The following NEO1 variants were observed in gnomAD, a reference collection of about 807,000 sequenced individuals.
NEO1 encodes the protein neogenin.
NEO1 carries 63 observed loss-of-function variants against 159.7 expected under a neutral mutation model. The observed-to-expected ratio is 0.39, with a 90% CI of 0.32 to 0.49. NEO1 has a LOEUF of 0.49. NEO1 is among the 20% of genes least tolerant of loss of function. The probability of loss-of-function intolerance (pLI) is 0.85; values close to 1 mark genes in which losing one functional copy is unlikely to be tolerated. For synonymous variants in NEO1, 633 were observed against 662.0 expected (o/e 0.96, Z 0.67); for missense variants, 1,615 against 1,831.0 (o/e 0.88, Z 2.15).
intron 1 of NEO1, among the ~76,000 whole-genome samples, chr15:73,071,090 G>A (rs1224972820): frequency 6.6e-6 from 1 of 151,930 alleles, no homozygotes; most frequent in Non-Finnish European, 1.5e-5. Flanking sequence ...TTGGACTACA[G>A]GTGGGTGCTA....
rs938166953 is a variant in NEO1 at position 73,249,496 on chromosome 15, A to T, written c.1756-87A>T. ...AGGGATAAAATCTGTTTCATGTAGAATATAGAATTTGTGTAGCTAATTCTT... is the reference window on the plus strand; with the variant it reads ...AGGGATAAAATCTGTTTCATGTAGATTATAGAATTTGTGTAGCTAATTCTT... On this transcript the variant is annotated intron_variant, in intron 10 of 28. Coordinates refer to ENST00000261908, the MANE Select transcript of NEO1 (RefSeq NM_002499.4). 26 of 1,341,574 alleles carry T rather than the reference A, an allele frequency of 1.9e-5. No individual in the cohort carries two copies. The African/African-American group carries it at 3.5e-4, about 18-fold the overall frequency. The allele number at this position is 1,341,574 out of a possible 1,614,324, so 83.1% of individuals were successfully genotyped here.
intron 7 of NEO1, among the ~76,000 whole-genome samples, chr15:73,225,505 T>C (rs1353306467): frequency 2.6e-5 from 4 of 151,632 alleles, no homozygotes; most frequent in African/African-American, 9.7e-5. Flanking sequence ...TGGGGGTGAG[T>C]TAATGGAGTT....
chr15:73,272,419 T>A, intron 18 of NEO1, 36 bp from the exon 19 acceptor site: 2 of 1,505,098 alleles, frequency 1.3e-6, no homozygotes, highest in Non-Finnish European at 1.8e-6. Context: ...TAATTTGAAA[T>A]GGACAGAAAT....
chr15:73,125,451 G>C (rs945552206), intron 3 of NEO1, among the ~76,000 whole-genome samples: 1 of 152,186 alleles, frequency 6.6e-6, no homozygotes, highest in East Asian at 1.9e-4. Context: ...GTCACTAATC[G>C]ATTAGGCAAT....
intron 15 of NEO1, among the ~76,000 whole-genome samples, chr15:73,261,479 C>A (rs1347450814): frequency 6.6e-6 from 1 of 151,862 alleles, no homozygotes; most frequent in Non-Finnish European, 1.5e-5. Flanking sequence ...AGCAAGGCCA[C>A]AAGATACAAA....
chr15:73,081,966 C>A (rs564981779), intron 1 of NEO1, among the ~76,000 whole-genome samples: 2 of 151,528 alleles, frequency 1.3e-5, no homozygotes, highest in Non-Finnish European at 2.9e-5. Flanking sequence ...CTCCCTGCTC[C>A]GGGCCCAAGT....
intron 22 of NEO1, among the ~76,000 whole-genome samples, chr15:73,280,025 G>A (rs960314534): frequency 6.6e-6 from 1 of 152,206 alleles, no homozygotes; most frequent in Non-Finnish European, 1.5e-5. Context: ...GACACCACTG[G>A]TACACTATGA....
intron 1 of NEO1, among the ~76,000 whole-genome samples, chr15:73,090,565 G>T (rs1217353404): frequency 6.6e-6 from 1 of 152,172 alleles, no homozygotes; most frequent in Non-Finnish European, 1.5e-5. Flanking sequence ...GGGAACTGTT[G>T]ATTGCCAGCA....
chr15:73,083,395 T>C (rs1409067998), intron 1 of NEO1, among the ~76,000 whole-genome samples: 4 of 151,968 alleles, frequency 2.6e-5, no homozygotes, highest in South Asian at 2.1e-4. Context: ...GGGCCCAAAT[T>C]TCTGGCATTC....
intron 1 of NEO1, among the ~76,000 whole-genome samples, chr15:73,106,133 G>A (rs2070680518): frequency 6.6e-6 from 1 of 152,110 alleles, no homozygotes; most frequent in South Asian, 2.1e-4. Flanking sequence ...CTGTTTAGAT[G>A]TCAGACCAGT....
At chr15:73,182,639 A>G (rs1270505978) in intron 7 of NEO1, among the ~76,000 whole-genome samples, 2 of 143,806 alleles carry the variant, frequency 1.4e-5, no homozygotes, top group Admixed American at 1.4e-4. Flanking sequence ...GTGGCAGACA[A>G]GAGAGAATGG....
chr15:73,292,285 C>G (rs1459498866), intron 25 of NEO1, among the ~76,000 whole-genome samples: 1 of 152,138 alleles, frequency 6.6e-6, no homozygotes, highest in Non-Finnish European at 1.5e-5. Context: ...TTAGGGAGAT[C>G]CTTGGGGACA....
Position 73,293,535 on chromosome 15 carries a change from G to T in NEO1, c.3888G>T (p.Arg1296Ser), listed in dbSNP as rs1478269396. 6.2e-7 allele frequency: 1 copy of T among 1,614,050 alleles called. No homozygotes were observed. The highest frequency in any genetic ancestry group is 8.5e-7 in the Non-Finnish European group (1 of 1,180,002). The change falls in exon 26 of 29, where the codon AGG (arginine) becomes AGT (serine). Residue 1296 changes from arginine to serine, a missense_variant. This residue lies in a region of NEO1 where 471 missense variants were observed against 498.9 expected (regional missense o/e 0.94). Coordinates refer to ENST00000261908, the MANE Select transcript of NEO1 (RefSeq NM_002499.4). Reference sequence around the variant, plus strand: ...GCACATCCATGTCCCTTTCAGACAGGGCCAATTCCACAGGTGAGAGATGAG... The same window carrying T: ...GCACATCCATGTCCCTTTCAGACAGTGCCAATTCCACAGGTGAGAGATGAG... Reference protein sequence around the residue: ...PIGTSMSLSDRANSTESVRNT... With the variant: ...PIGTSMSLSDSANSTESVRNT...
Position 73,258,862 on chromosome 15 carries a change from A to G in NEO1, c.2189A>G (p.Glu730Gly). The change falls in exon 14 of 29, where the codon GAA becomes GGA. Residue 730 changes from glutamate (E) to glycine (G), a missense_variant. Around this residue, in one of 3 missense-constraint regions of NEO1, gnomAD observed 1,018 missense variants for 1,115.4 expected, o/e 0.91. Coordinates refer to ENST00000261908, the MANE Select transcript of NEO1 (RefSeq NM_002499.4). ...GACTGGCTGTCTGCTGAAACTTTTG[A>G]AAGTGACCTAGATGGTAAGAATAAC... ...ATDWLSAETF[E>G]SDLDETRVPE... 2 of 1,613,656 alleles carry G rather than the reference A, an allele frequency of 1.2e-6. No individual in the cohort carries two copies. The highest frequency in any genetic ancestry group is 8.5e-7 in the Non-Finnish European group (1 of 1,179,638).
At chr15:73,263,189 AC>A (rs2040707738) in intron 15 of NEO1, among the ~76,000 whole-genome samples, 1 of 126,832 alleles carries the variant, frequency 7.9e-6, no homozygotes, top group Non-Finnish European at 1.7e-5. Flanking sequence ...CTCATAGTTG[AC>A]TTTTTTTTTT....
At chr15:73,235,742 T>TGCA (rs2039136654) in intron 7 of NEO1, among the ~76,000 whole-genome samples, 1 of 152,062 alleles carries the variant, frequency 6.6e-6, no homozygotes, top group African/African-American at 2.4e-5. Context: ...AATACAGAGG[T>TGCA]GCAGGGTTTA....
intron 7 of NEO1, among the ~76,000 whole-genome samples, chr15:73,209,389 A>T (rs2037422600): frequency 6.6e-6 from 1 of 152,226 alleles, no homozygotes. Flanking sequence ...GCTATGATTA[A>T]TAGCCTAGTG....
intron 18 of NEO1, among the ~76,000 whole-genome samples, chr15:73,271,981 A>G (rs542310272): frequency 2.9e-4 from 43 of 149,508 alleles, no homozygotes; most frequent in African/African-American, 8.4e-4. Flanking sequence ...CTGTTTTACA[A>G]TTTACAGTAT....
chr15:73,225,189 C>T (rs1387899200), intron 7 of NEO1, among the ~76,000 whole-genome samples: 1 of 152,102 alleles, frequency 6.6e-6, no homozygotes, highest in Non-Finnish European at 1.5e-5. Context: ...GATACCAGCA[C>T]CTGTTCCAGT....
Sources: allele counts gnomAD v4.1 joint callset (sites outside exome capture counted in the v4.1 genomes callset), GRCh38; gene constraint gnomAD v4.1.1; regional missense constraint gnomAD v4.1.1; transcripts MANE v1.5; gene names NCBI Gene and HGNC (gene_info 2026-07-23, HGNC 2026-07-21).